The following GSE1 variants were observed in gnomAD, a reference collection of about 807,000 sequenced individuals.
GSE1 encodes the protein genetic suppressor element 1.
GSE1 carries 32 observed loss-of-function variants against 112.6 expected under a neutral mutation model. The ratio of observed to expected loss-of-function variants is 0.28; its 90% confidence interval spans 0.21 to 0.38. The LOEUF is 0.38. GSE1 is among the 10% of genes least tolerant of loss of function. GSE1 has a pLI of 1.00. For synonymous variants in GSE1, 1,115 were observed against 735.6 expected (o/e 1.52, Z -8.35); for missense variants, 2,348 against 1,699.2 (o/e 1.38, Z -6.71).
At chr16:85,344,989 G>A (rs1202352627) in intron 1 of GSE1, among the ~76,000 whole-genome samples, 6 of 152,266 alleles carry the variant, frequency 3.9e-5, no homozygotes, top group South Asian at 4.1e-4. Flanking sequence ...AGACTCAGCC[G>A]CCCCCTCCCA....
chr16:85,546,010 C>T (rs1167105399), intron 2 of GSE1, among the ~76,000 whole-genome samples: 1 of 152,232 alleles, frequency 6.6e-6, no homozygotes, highest in Non-Finnish European at 1.5e-5. Context: ...TGGTCTCGAT[C>T]TCCTGACCTC....
At chr16:85,652,545 A>AGGC (rs142500416) in intron 3 of GSE1, among the ~76,000 whole-genome samples, 60,134 of 150,800 alleles carry the variant, frequency 0.4, 12,041 homozygotes, top group East Asian at 0.48. Context: ...TGAAGATTCC[A>AGGC]GGCGGCGGCG....
intron 2 of GSE1, among the ~76,000 whole-genome samples, chr16:85,640,785 G>A (rs924284784): frequency 2.0e-5 from 3 of 152,262 alleles, no homozygotes; most frequent in Non-Finnish European, 4.4e-5. Flanking sequence ...GGCGCGCCTC[G>A]CGTGGGTGTC....
At chr16:85,313,374 C>T (rs1307551123) in intron 1 of GSE1, among the ~76,000 whole-genome samples, 2 of 152,144 alleles carry the variant, frequency 1.3e-5, no homozygotes, top group African/African-American at 4.8e-5. Flanking sequence ...GGAGGGCTGC[C>T]CCTGCCCCGA....
chr16:85,557,059 G>A (rs556580216), intron 1 of GSE1, among the ~76,000 whole-genome samples: 18 of 152,242 alleles, frequency 1.2e-4, no homozygotes, highest in Non-Finnish European at 2.9e-5. Flanking sequence ...ACAGCTGGAG[G>A]TTTGGGGAGC....
chr16:85,630,895 G>A lies in GSE1; in HGVS notation c.8-3019G>A, dbSNP rs188586057. On this transcript the variant is annotated intron_variant, in intron 1 of 15. Transcript: ENST00000253458. ...GATGGCTGTGAGGGGTGGGACACAGGCTGGGTGGTGGGTGACAGTTCAGCT... is the reference window on the plus strand; with the variant it reads ...GATGGCTGTGAGGGGTGGGACACAGACTGGGTGGTGGGTGACAGTTCAGCT... Among the ~76,000 whole-genome samples the A allele has an allele frequency of 1.3e-3, 196 of 152,312 alleles. 2 individuals are homozygous for A. The Middle Eastern group carries it at 0.014, about 11-fold the overall frequency.
At chr16:85,553,954 G>C (rs1339440947), upstream of GSE1, among the ~76,000 whole-genome samples, 1 of 152,212 alleles carries the variant, frequency 6.6e-6, no homozygotes, top group Non-Finnish European at 1.5e-5. Flanking sequence ...CCCAAGCCTG[G>C]TGTGAGCGCG....
intron 1 of GSE1, among the ~76,000 whole-genome samples, chr16:85,326,981 G>T (rs1190033968): frequency 3.3e-5 from 5 of 152,218 alleles, no homozygotes; most frequent in Non-Finnish European, 4.4e-5. Flanking sequence ...CGGCAGGGAG[G>T]GCTGGTCCTG....
intron 1 of GSE1, among the ~76,000 whole-genome samples, chr16:85,566,989 C>T (rs544594113): frequency 2.0e-5 from 3 of 152,200 alleles, no homozygotes; most frequent in East Asian, 3.9e-4. Context: ...AGTGTCACGG[C>T]CTTTATCTTA....
At chr16:85,286,611 C>T (rs868409519) in intron 1 of GSE1, among the ~76,000 whole-genome samples, 3 of 152,064 alleles carry the variant, frequency 2.0e-5, no homozygotes, top group Middle Eastern at 3.2e-3. Flanking sequence ...CAACAGTCAT[C>T]GTGGGCAGCT....
chr16:85,256,385 T>G (rs1176426521), intron 1 of GSE1, among the ~76,000 whole-genome samples: 1 of 152,264 alleles, frequency 6.6e-6, no homozygotes, highest in Non-Finnish European at 1.5e-5. Context: ...GAGCACCCTG[T>G]ATAAGGCAGA....
At chr16:85,588,694 C>A (rs915779392) in intron 1 of GSE1, among the ~76,000 whole-genome samples, 5 of 152,200 alleles carry the variant, frequency 3.3e-5, no homozygotes, top group African/African-American at 1.2e-4. Flanking sequence ...GCATAAATCT[C>A]CTATCAACTT....
intron 2 of GSE1, among the ~76,000 whole-genome samples, chr16:85,550,110 G>A (rs377221914): frequency 6.6e-6 from 1 of 152,140 alleles, no homozygotes; most frequent in Non-Finnish European, 1.5e-5. Context: ...GGGGTGATTC[G>A]CCTCATTTTC....
chr16:85,235,641 C>A (rs1219445846), intron 1 of GSE1, among the ~76,000 whole-genome samples: 1 of 151,530 alleles, frequency 6.6e-6, no homozygotes, highest in Non-Finnish European at 1.5e-5. Context: ...TACTCCTCGT[C>A]CCCCCTCCTC....
At chr16:85,400,112 C>T (rs953723832) in intron 2 of GSE1, among the ~76,000 whole-genome samples, 9 of 152,230 alleles carry the variant, frequency 5.9e-5, no homozygotes, top group Admixed American at 1.3e-4. Flanking sequence ...GCCGCCACAC[C>T]GGCCCTGCAA....
chr16:85,273,377 C>T (rs1909041680), intron 1 of GSE1, among the ~76,000 whole-genome samples: 1 of 152,234 alleles, frequency 6.6e-6, no homozygotes, highest in African/African-American at 2.4e-5. Context: ...CAGCATTATG[C>T]ATAGCAGCCA....
intron 2 of GSE1, among the ~76,000 whole-genome samples, chr16:85,435,254 G>C (rs2049218266): frequency 6.6e-6 from 1 of 152,250 alleles, no homozygotes; most frequent in African/African-American, 2.4e-5. Context: ...GGGGGGCCTG[G>C]CCTGGGTCCT....
chr16:85,525,249 G>A (rs113892034), intron 2 of GSE1, among the ~76,000 whole-genome samples: 2 of 151,268 alleles, frequency 1.3e-5, no homozygotes. Context: ...TGGCTCACTT[G>A]TCCCCCCCCC....
chr16:85,552,230 C>G (rs563240901), upstream of GSE1, among the ~76,000 whole-genome samples: 1 of 151,176 alleles, frequency 6.6e-6, no homozygotes, highest in African/African-American at 2.4e-5. Context: ...TTTCACCGTG[C>G]TAGCCAGAAT....
Sources: gnomAD v4.1 joint callset for allele counts (sites outside exome capture counted in the v4.1 genomes callset) on GRCh38, gnomAD v4.1.1 for gene constraint, MANE v1.5 for transcripts, NCBI Gene and HGNC (gene_info 2026-07-23, HGNC 2026-07-21) for gene names.